RYR3: variants seen among roughly 807,000 people sequenced by gnomAD.
RYR3 encodes the protein ryanodine receptor 3.
In RYR3, 207 loss-of-function variants were observed where a neutral mutation model predicts 584.3. That is an observed-to-expected ratio of 0.35 (90% CI 0.32 to 0.40). The LOEUF (loss-of-function observed/expected upper bound fraction) is 0.40, where lower values mean the gene tolerates loss of function less well. Among genes scored for constraint, RYR3 ranks in the 10% least tolerant of loss-of-function variants. The pLI is 1.00. For missense variants in RYR3, 5,616 were observed against 6,089.2 expected, an observed-to-expected ratio of 0.92 and a Z score of 2.59; for synonymous variants, 2,416 against 2,248.5, an observed-to-expected ratio of 1.07 and a Z score of -2.11.
rs900092330 is a variant in RYR3, at chr15:33,428,787, A to G, written c.52-44632A>G. The stretch of plus-strand genomic sequence containing the variant: ...AATAAACAGTTATAGTTCAGGGGAT[A>G]CATGTTAGTGAAAAAAAGTCAAAGT... On this transcript the variant is annotated intron_variant, in intron 1 of 103. Coordinates refer to ENST00000634891, the MANE Select transcript of RYR3 (RefSeq NM_001036.6). Among the ~76,000 whole-genome samples, 3 of 152,344 alleles carry G rather than the reference A, an allele frequency of 2.0e-5. No homozygotes were observed. In the East Asian group the frequency reaches 5.8e-4, roughly 29 times the overall value.
intron 36 of RYR3, among the ~76,000 whole-genome samples, chr15:33,666,860 G>A (rs1206136337): frequency 6.6e-6 from 1 of 152,192 alleles, no homozygotes; most frequent in Non-Finnish European, 1.5e-5. Flanking sequence ...CCAGCTTTCT[G>A]TTGTATGTCC....
intron 102 of RYR3, among the ~76,000 whole-genome samples, chr15:33,861,764 TA>T (rs1206732992): frequency 6.6e-6 from 1 of 152,212 alleles, no homozygotes; most frequent in Non-Finnish European, 1.5e-5. Flanking sequence ...CATTAATAGC[TA>T]AGCCCCATGA....
At chr15:33,419,054 G>A (rs560893390) in intron 1 of RYR3, among the ~76,000 whole-genome samples, 1 of 152,228 alleles carries the variant, frequency 6.6e-6, no homozygotes, top group East Asian at 1.9e-4. Flanking sequence ...TGTTTTATAT[G>A]TGCTTTATAT....
intron 1 of RYR3, among the ~76,000 whole-genome samples, chr15:33,402,589 G>A (rs1303259713): frequency 6.6e-6 from 1 of 152,198 alleles, no homozygotes; most frequent in Non-Finnish European, 1.5e-5. Flanking sequence ...ATGTAGACAG[G>A]CTGTTTTTGT....
Position 33,517,414 on chromosome 15 carries a change from A to C in RYR3, c.280-13178A>C, listed in dbSNP as rs563040834. ...ATCACTGCTGTAACACTACATTGGA[A>C]ACTCGCTGTAATGTAACCTAAATGT... On this transcript the variant is annotated intron_variant, in intron 3 of 103. Coordinates refer to ENST00000634891, the MANE Select transcript of RYR3 (RefSeq NM_001036.6). Among the ~76,000 whole-genome samples, 29 of 152,338 alleles carry C rather than the reference A, an allele frequency of 1.9e-4. No homozygotes were observed. The South Asian group carries it at 3.9e-3, about 21-fold the overall frequency.
chr15:33,794,322 T>TA (rs1344558337), intron 67 of RYR3, among the ~76,000 whole-genome samples: 24 of 63,518 alleles, frequency 3.8e-4, no homozygotes, highest in Non-Finnish European at 8.2e-4. Flanking sequence ...TATATATATA[T>TA]TTTTATATAT....
chr15:33,532,575 C>T (rs2054975427), intron 4 of RYR3, among the ~76,000 whole-genome samples: 2 of 151,942 alleles, frequency 1.3e-5, no homozygotes, highest in African/African-American at 4.8e-5. Context: ...ATGTTCCAGG[C>T]TCTTACACAT....
chr15:33,412,303 C>A lies in RYR3; in HGVS notation c.52-61116C>A, dbSNP rs922877409. On this transcript the variant is annotated intron_variant, in intron 1 of 103. Coordinates refer to ENST00000634891, the MANE Select transcript of RYR3 (RefSeq NM_001036.6). The surrounding 1 kb of genome is among the most constrained non-coding windows in gnomAD (Gnocchi z 4.3). ...ATGGGTTGTTCTTGGCACGGACTTG[C>A]CAGTGACCTCTTCCAAGTGCCAAAG... Among the ~76,000 whole-genome samples, 1 of 152,076 alleles carries A rather than the reference C, an allele frequency of 6.6e-6. No individual in the cohort carries two copies. Among genetic ancestry groups the A allele is most frequent in the African/African-American group, 2.4e-5 (1 of 41,400 alleles).
intron 1 of RYR3, among the ~76,000 whole-genome samples, chr15:33,361,131 G>T (rs955250215): frequency 6.6e-6 from 1 of 152,182 alleles, no homozygotes; most frequent in Non-Finnish European, 1.5e-5. Context: ...CTGGATCCAG[G>T]TCAGCAGCTG....
chr15:33,574,926 C>T (rs144961436), intron 12 of RYR3, among the ~76,000 whole-genome samples: 4 of 151,956 alleles, frequency 2.6e-5, no homozygotes, highest in East Asian at 1.9e-4. Context: ...AATAAAGGCC[C>T]GAGGAAAATT....
intron 75 of RYR3, among the ~76,000 whole-genome samples, chr15:33,817,462 G>T (rs1158694648): frequency 6.6e-6 from 1 of 152,138 alleles, no homozygotes; most frequent in African/African-American, 2.4e-5. Context: ...TACTGCAGAG[G>T]TGCCACAGAG....
At position 33,865,906 on chromosome 15, in the gene RYR3, T is replaced by TTTTAGTAACAGCTGTCAGTC. The variant is rs1890363179; in HGVS notation, c.*681_*700dup. ...ACTTGAAGGTTATTCATACAAGTTTTTTTAGTAACAGCTGTCAGTCAACTG... is the reference window on the plus strand; with the variant it reads ...ACTTGAAGGTTATTCATACAAGTTTTTTTAGTAACAGCTGTCAGTCTTTAGTAACAGCTGTCAGTCAACTG... On this transcript the variant is annotated 3_prime_UTR_variant, in exon 104 of 104. Transcript: ENST00000634891. The TTTTAGTAACAGCTGTCAGTC allele has an allele frequency of 6.5e-6, 1 of 152,718 alleles. No homozygotes were observed. Among genetic ancestry groups the TTTTAGTAACAGCTGTCAGTC allele is most frequent in the Admixed American group, 6.5e-5 (1 of 15,280 alleles). 9.5% of individuals were successfully genotyped at this position (152,718 alleles called of 1,614,324 possible).
rs1175871988 is a variant in RYR3, at chr15:33,560,816, C to T, written c.973-2021C>T. ...CTATCAAATACTATTTTCCTATTAG[C>T]TAATGTTATAAAATCAGAAATATGT... is the stretch of plus-strand genomic sequence containing the variant. On this transcript the variant is annotated intron_variant, in intron 10 of 103. Transcript: ENST00000634891. Among the ~76,000 whole-genome samples, 5 of 151,514 alleles carry T rather than the reference C, an allele frequency of 3.3e-5. No homozygotes were observed. The East Asian group carries it at 5.8e-4, about 18-fold the overall frequency.
intron 1 of RYR3, among the ~76,000 whole-genome samples, chr15:33,461,413 T>C (rs906827991): frequency 6.6e-6 from 1 of 152,314 alleles, no homozygotes; most frequent in Non-Finnish European, 1.5e-5. Flanking sequence ...GGATAGTGTC[T>C]GGTTTTGATT....
chr15:33,696,105 AT>A (rs1436855591), intron 38 of RYR3, 112 bp from the exon 39 acceptor site: 2 of 1,050,038 alleles, frequency 1.9e-6, no homozygotes. Context: ...TATAATAAGA[AT>A]TTTGTAACCT....
At chr15:33,699,249 TCTCTC>T (rs1156991857) in intron 40 of RYR3, among the ~76,000 whole-genome samples, 6 of 118,820 alleles carry the variant, frequency 5.0e-5, no homozygotes, top group Non-Finnish European at 1.1e-4. Context: ...TCTCTCTCTC[TCTCTC>T]CCCCCCTTTC....
intron 1 of RYR3, among the ~76,000 whole-genome samples, chr15:33,363,975 A>C (rs1403444013): frequency 6.6e-6 from 1 of 152,180 alleles, no homozygotes; most frequent in Non-Finnish European, 1.5e-5. Flanking sequence ...TTCCACTGTA[A>C]ATTTTATGAA....
At chr15:33,531,966 G>T (rs575378418) in intron 4 of RYR3, among the ~76,000 whole-genome samples, 78 of 152,272 alleles carry the variant, frequency 5.1e-4, no homozygotes, top group Admixed American at 2.1e-3. Context: ...TATCATGGTA[G>T]TGACACAAAG....
At chr15:33,853,468 G>A (rs1284315305) in intron 95 of RYR3, 87 bp from the exon 96 acceptor site, 1 of 1,499,222 alleles carries the variant, frequency 6.7e-7, no homozygotes, top group East Asian at 2.3e-5. Flanking sequence ...ATTGCCCATA[G>A]GGCAGCAAAG....
Sources: allele counts gnomAD v4.1 joint callset (sites outside exome capture counted in the v4.1 genomes callset), GRCh38; gene constraint gnomAD v4.1.1; non-coding constraint Gnocchi (gnomAD v3.1); transcripts MANE v1.5; gene names NCBI Gene and HGNC (gene_info 2026-07-23, HGNC 2026-07-21).